Variants in RRAS2 observed in about 807,000 individuals in gnomAD.
RRAS2 encodes the protein RAS related 2, also known as ras-related protein R-Ras2.
RRAS2 carries 7 observed loss-of-function variants against 27.6 expected under a neutral mutation model. That is an observed-to-expected ratio of 0.25 (90% confidence interval 0.14 to 0.48). The LOEUF (loss-of-function observed/expected upper bound fraction) is 0.48, where lower values mean the gene tolerates loss of function less well. RRAS2 is among the 20% of genes least tolerant of loss of function. The pLI is 0.99. For synonymous variants in RRAS2, 86 were observed against 90.9 expected, an observed-to-expected ratio of 0.95 and a Z score of 0.31; for missense variants, 178 against 256.2, an observed-to-expected ratio of 0.69 and a Z score of 2.08.
intron 1 of RRAS2, among the ~76,000 whole-genome samples, chr11:14,342,756 T>C (rs1848743051): frequency 2.0e-5 from 3 of 152,194 alleles, no homozygotes; most frequent in Admixed American, 6.5e-5. Context: ...AGCTACTTAT[T>C]TGGGGGACAT....
intron 1 of RRAS2, among the ~76,000 whole-genome samples, chr11:14,303,730 G>A (rs1165413955): frequency 6.6e-6 from 1 of 152,038 alleles, no homozygotes. Context: ...GGATGTGAGG[G>A]GTCCTGTCAT....
At chr11:14,328,051 A>G (rs1564973456) in intron 1 of RRAS2, among the ~76,000 whole-genome samples, 1 of 152,204 alleles carries the variant, frequency 6.6e-6, no homozygotes, top group Non-Finnish European at 1.5e-5. Context: ...GTGCTTACAA[A>G]GTACATAAGG....
intron 1 of RRAS2, among the ~76,000 whole-genome samples, chr11:14,306,743 C>T (rs1847838731): frequency 6.6e-6 from 1 of 152,116 alleles, no homozygotes; most frequent in South Asian, 2.1e-4. Flanking sequence ...ACACCCCATT[C>T]CCTACCCTGA....
intron 4 of RRAS2, among the ~76,000 whole-genome samples, chr11:14,288,987 C>T (rs782439600): frequency 2.6e-5 from 4 of 152,200 alleles, no homozygotes; most frequent in African/African-American, 7.2e-5. Flanking sequence ...TATATGCTAA[C>T]GATAAAGCCT....
At chr11:14,297,354 A>G (rs1330534911) in intron 1 of RRAS2, among the ~76,000 whole-genome samples, 1 of 152,238 alleles carries the variant, frequency 6.6e-6, no homozygotes, top group Non-Finnish European at 1.5e-5. Context: ...CTACTCAGAA[A>G]CAAGCACTCT....
rs192310271 is a variant in RRAS2, at chr11:14,296,900, G to A, written c.109-1045C>T. Among the ~76,000 whole-genome samples, 5 of 152,146 alleles carry A rather than the reference G, an allele frequency of 3.3e-5. No homozygotes were observed. In the East Asian group the frequency reaches 9.6e-4, roughly 29 times the overall value. ...CCTACATTTCAGTTTTATTTAAAAG[G>A]GTTTTAAAAAATCAGCTACTCAGGA... On this transcript the variant is annotated intron_variant, in intron 1 of 5. Coordinates refer to ENST00000256196, the MANE Select transcript of RRAS2 (RefSeq NM_012250.6).
intron 1 of RRAS2, chr11:14,354,566 T>C (rs1407662383): frequency 2.0e-5 from 3 of 151,560 alleles, no homozygotes; most frequent in African/African-American, 7.3e-5. Context: ...CTTAAAGTAA[T>C]AGACCAGATT....
chr11:14,334,342 T>C (rs1848547344), intron 1 of RRAS2, among the ~76,000 whole-genome samples: 1 of 152,184 alleles, frequency 6.6e-6, no homozygotes, highest in Non-Finnish European at 1.5e-5. Context: ...TATTGATTTG[T>C]TTTTCAACTG....
intron 1 of RRAS2, chr11:14,354,346 T>G (rs1321905574): frequency 3.3e-5 from 5 of 152,192 alleles, no homozygotes; most frequent in Non-Finnish European, 7.3e-5. Context: ...CTGTAAATTT[T>G]TAAAACATAT....
At chr11:14,288,228 C>A (rs994838196) in intron 4 of RRAS2, among the ~76,000 whole-genome samples, 23 of 152,206 alleles carry the variant, frequency 1.5e-4, no homozygotes, top group African/African-American at 5.3e-4. Flanking sequence ...ATCTGCCTGC[C>A]TTGGCCTCCC....
At chr11:14,333,335 G>A (rs1364553904) in intron 1 of RRAS2, among the ~76,000 whole-genome samples, 1 of 152,078 alleles carries the variant, frequency 6.6e-6, no homozygotes, top group Non-Finnish European at 1.5e-5. Context: ...AAAGGAAAAG[G>A]CGAGGCTATT....
intron 1 of RRAS2, among the ~76,000 whole-genome samples, chr11:14,345,066 C>A (rs1000666129): frequency 6.9e-6 from 1 of 145,536 alleles, no homozygotes; most frequent in Admixed American, 7.2e-5. Flanking sequence ...CAGCTCACTG[C>A]AACCTCCACT....
Position 14,358,940 on chromosome 11 carries a change from G to C in RRAS2, c.-70C>G. On this transcript the variant is annotated 5_prime_UTR_variant, in exon 1 of 6. Transcript: ENST00000256196. This position sits in a 1 kb window ranked among gnomAD's most constrained non-coding sequence, Gnocchi z 5.1. ...CCGCCCGCCCTAGGCCCGGCTCCGG[G>C]GACGTGTGCGGCCGGCGGGCTGCGG... 8.5e-7 allele frequency: 1 copy of C among 1,181,064 alleles called. No homozygotes were observed. Among genetic ancestry groups the C allele is most frequent in the Non-Finnish European group, 1.0e-6 (1 of 955,594 alleles). The allele number at this position is 1,181,064 out of a possible 1,614,324, so 73.2% of individuals were successfully genotyped here.
At chr11:14,291,146 T>C (rs1005565100) in intron 4 of RRAS2, among the ~76,000 whole-genome samples, 6 of 152,136 alleles carry the variant, frequency 3.9e-5, no homozygotes, top group Non-Finnish European at 8.8e-5. Flanking sequence ...TGTAGAAATT[T>C]CTCACAGAAA....
chr11:14,347,362 A>T (rs1052734118), intron 1 of RRAS2, among the ~76,000 whole-genome samples: 32 of 152,166 alleles, frequency 2.1e-4, no homozygotes, highest in Non-Finnish European at 8.8e-5. Flanking sequence ...GAAATCTTTT[A>T]AAAATACTGA....
intron 4 of RRAS2, among the ~76,000 whole-genome samples, chr11:14,284,255 T>G (rs1849610063): frequency 6.6e-6 from 1 of 152,214 alleles, no homozygotes; most frequent in African/African-American, 2.4e-5. Flanking sequence ...TTCATGATAC[T>G]TTGTAATTTC....
intron 1 of RRAS2, among the ~76,000 whole-genome samples, chr11:14,344,528 T>C (rs1848787869): frequency 6.6e-6 from 1 of 152,224 alleles, no homozygotes; most frequent in African/African-American, 2.4e-5. Context: ...AACTTAAACA[T>C]TAAATCTACC....
chr11:14,296,049 G>A (rs1017623387), intron 1 of RRAS2, among the ~76,000 whole-genome samples, 194 bp from the exon 2 acceptor site: 1 of 151,884 alleles, frequency 6.6e-6, no homozygotes, highest in Non-Finnish European at 1.5e-5. Context: ...CCGACGTGGT[G>A]TGTACCTGTG....
At chr11:14,309,233 G>A (rs1554948537) in intron 1 of RRAS2, among the ~76,000 whole-genome samples, 1 of 152,078 alleles carries the variant, frequency 6.6e-6, no homozygotes, top group Non-Finnish European at 1.5e-5. Flanking sequence ...ACAGAGAATG[G>A]TCTGTAGAAG....
Sources: allele counts gnomAD v4.1 joint callset (sites outside exome capture counted in the v4.1 genomes callset), GRCh38; gene constraint gnomAD v4.1.1; non-coding constraint Gnocchi (gnomAD v3.1); transcripts MANE v1.5; gene names NCBI Gene and HGNC (gene_info 2026-07-23, HGNC 2026-07-21).